Variants in PRKCI observed in about 807,000 individuals in gnomAD.
PRKCI encodes protein kinase C iota type.
In PRKCI, 43 loss-of-function variants were observed where a neutral mutation model predicts 84.0. That is an observed-to-expected ratio of 0.51 (90% CI 0.40 to 0.66). PRKCI has a LOEUF of 0.66. Ranked by LOEUF, PRKCI falls within the 30% of genes least tolerant of loss-of-function variation. The probability of loss-of-function intolerance (pLI) is 0.00; values close to 1 mark genes in which losing one functional copy is unlikely to be tolerated. For synonymous variants in PRKCI, 216 were observed against 234.4 expected, an observed-to-expected ratio of 0.92 and a Z score of 0.72; for missense variants, 459 against 745.6, an observed-to-expected ratio of 0.62 and a Z score of 4.48.
At chr3:170,233,231 A>ATTATTTTTTTTT (rs1732850586) in intron 1 of PRKCI, among the ~76,000 whole-genome samples, 1 of 143,528 alleles carries the variant, frequency 7.0e-6, no homozygotes, top group African/African-American at 2.7e-5. Flanking sequence ...TTGGGGGTTT[A>ATTATTTTTTTTT]TTTTTAAAAG....
chr3:170,243,871 G>A (rs1402423511), intron 2 of PRKCI, among the ~76,000 whole-genome samples: 2 of 152,164 alleles, frequency 1.3e-5, no homozygotes, highest in East Asian at 1.9e-4. Context: ...AGGAAATTCT[G>A]GCTGCCATCT....
In PRKCI at chr3:170,266,852, G is replaced by T. The variant is rs369295771; in HGVS notation, c.365-1063G>T. Among the ~76,000 whole-genome samples the T allele has an allele frequency of 3.3e-5, 5 of 152,154 alleles. No homozygotes were observed. The East Asian group carries it at 9.6e-4, about 29-fold the overall frequency. ...TACTAAAAATACAAAAATTAGCCGG[G>T]TGTGGTGGTGTGTACCTGCAATCCC... On this transcript the variant is annotated intron_variant, in intron 4 of 17. Coordinates refer to ENST00000295797, the MANE Select transcript of PRKCI (RefSeq NM_002740.6).
In PRKCI at chr3:170,230,048, G is replaced by A. The variant is rs562750644; in HGVS notation, c.102-5182G>A. ...ATCTGTTGCTAGTCTGGAGTTTTTC[G>A]TTTTTATGTCATCAAACCTGTCCTT... On this transcript the variant is annotated intron_variant, in intron 1 of 17. Coordinates refer to ENST00000295797, the MANE Select transcript of PRKCI (RefSeq NM_002740.6). Among the ~76,000 whole-genome samples the A allele has an allele frequency of 5.9e-5, 9 of 151,604 alleles. No homozygotes were observed. In the South Asian group the frequency reaches 6.2e-4, roughly 11 times the overall value.
At chr3:170,302,642 A>G (rs1374283278) in intron 17 of PRKCI, among the ~76,000 whole-genome samples, 9 of 152,102 alleles carry the variant, frequency 5.9e-5, no homozygotes, top group Non-Finnish European at 1.2e-4. Flanking sequence ...CCTTTTGGCT[A>G]ACTTCTTCTG....
chr3:170,303,407 T>TAAA lies in PRKCI; in HGVS notation c.*292_*294dup, dbSNP rs199720571. 1.1e-4 allele frequency: 27 copies of TAAA among 237,230 alleles called. No individual in the cohort carries two copies. Among genetic ancestry groups the TAAA allele is most frequent in the Non-Finnish European group, 1.7e-4 (21 of 124,758 alleles). 14.7% of individuals were successfully genotyped at this position (237,230 alleles called of 1,614,324 possible). On this transcript the variant is annotated 3_prime_UTR_variant, in exon 18 of 18. Coordinates refer to ENST00000295797, the MANE Select transcript of PRKCI (RefSeq NM_002740.6). The stretch of plus-strand genomic sequence containing the variant: ...GAGTAATGAAGTTATCTTTTTTGTT[T>TAAA]AAAAAAAAAAAAAACACTGCATTAA...
At chr3:170,267,877 G>T (rs1410847903) in intron 4 of PRKCI, 38 bp from the exon 5 acceptor site, 21 of 1,422,948 alleles carry the variant, frequency 1.5e-5, no homozygotes, top group Non-Finnish European at 1.6e-5. Flanking sequence ...ACTCAAACTT[G>T]CTCTTTTTTC....
intron 2 of PRKCI, among the ~76,000 whole-genome samples, chr3:170,239,223 T>A (rs761522426): frequency 5.9e-5 from 9 of 152,224 alleles, no homozygotes; most frequent in African/African-American, 2.4e-5. Context: ...ATTTCAAATT[T>A]TGCATTAAGA....
chr3:170,261,599 T>C (rs1733729822), intron 3 of PRKCI, among the ~76,000 whole-genome samples: 1 of 152,066 alleles, frequency 6.6e-6, no homozygotes, highest in South Asian at 2.1e-4. Context: ...TTCTCATGCC[T>C]CAGCCTCCAA....
rs975971253 is a variant in PRKCI, at chr3:170,291,907, C to T, written c.1257C>T (p.Tyr419=). 6 of 1,605,734 alleles carry T rather than the reference C, an allele frequency of 3.7e-6. No homozygotes were observed. The highest frequency in any genetic ancestry group is 5.1e-6 in the Non-Finnish European group (6 of 1,172,584). Residue 419 remains tyrosine (Y), a synonymous_variant, in exon 13 of 18, where the codon TAC becomes TAT. Coordinates refer to ENST00000295797, the MANE Select transcript of PRKCI (RefSeq NM_002740.6). ...GCACTTTCTGTGGTACTCCTAATTA[C>T]ATTGCTCCTGAAATTTTAAGAGGAG... The part of the protein sequence containing the change: ...TTSTFCGTPN[Y]IAPEILRGED...
intron 2 of PRKCI, among the ~76,000 whole-genome samples, chr3:170,245,111 G>A (rs539260376): frequency 2.0e-4 from 30 of 152,198 alleles, no homozygotes; most frequent in Middle Eastern, 3.4e-3. Flanking sequence ...TTCAGAGAAC[G>A]TCATTCTGAC....
At chr3:170,231,173 C>G (rs1165191914) in intron 1 of PRKCI, among the ~76,000 whole-genome samples, 1 of 151,812 alleles carries the variant, frequency 6.6e-6, no homozygotes, top group Non-Finnish European at 1.5e-5. Context: ...GTTGGCCAGG[C>G]TGGTCTGGAA....
chr3:170,260,087 C>T (rs1041712549), intron 3 of PRKCI, 29 bp downstream of exon 3: 1 of 1,383,088 alleles, frequency 7.2e-7, no homozygotes, highest in African/African-American at 1.4e-5. Context: ...CATACTCGTC[C>T]AGACTGATAA....
intron 11 of PRKCI, among the ~76,000 whole-genome samples, chr3:170,282,628 C>T (rs567489529): frequency 7.4e-5 from 11 of 149,130 alleles, no homozygotes; most frequent in Admixed American, 2.0e-4. Context: ...ACCCGGAAGG[C>T]GGAGGTTGCA....
chr3:170,296,075 AT>A, intron 15 of PRKCI, 85 bp downstream of exon 15: 1 of 740,120 alleles, frequency 1.4e-6, no homozygotes, highest in Non-Finnish European at 2.0e-6. Flanking sequence ...GAAATGTAAA[AT>A]TCCAAAACAG....
intron 1 of PRKCI, among the ~76,000 whole-genome samples, chr3:170,230,550 A>G (rs1173684145): frequency 6.6e-6 from 1 of 152,178 alleles, no homozygotes; most frequent in African/African-American, 2.4e-5. Flanking sequence ...GGCTGGTCCC[A>G]AACTCGTGAC....
chr3:170,224,252 G>A (rs1732573642), intron 1 of PRKCI, among the ~76,000 whole-genome samples: 1 of 152,046 alleles, frequency 6.6e-6, no homozygotes. Context: ...TTGACTGTAT[G>A]CAGGAGTAGT....
intron 2 of PRKCI, among the ~76,000 whole-genome samples, chr3:170,257,365 A>G (rs892137291): frequency 3.3e-5 from 5 of 152,182 alleles, no homozygotes; most frequent in Non-Finnish European, 7.3e-5. Context: ...GACCTTTGCA[A>G]CCGCAGTTTT....
chr3:170,275,624 C>T (rs1734096458), intron 8 of PRKCI, among the ~76,000 whole-genome samples: 1 of 151,902 alleles, frequency 6.6e-6, no homozygotes, highest in Non-Finnish European at 1.5e-5. Flanking sequence ...CTTATTTAGA[C>T]AATAAATGAT....
chr3:170,282,773 C>CT lies in PRKCI; in HGVS notation c.1067+813dup, dbSNP rs373286945. Among the ~76,000 whole-genome samples, 858 of 150,842 alleles carry CT rather than the reference C, an allele frequency of 5.7e-3. 9 individuals carry two copies. Among genetic ancestry groups the CT allele is most frequent in the African/African-American group, 0.02 (816 of 41,142 alleles). On this transcript the variant is annotated intron_variant, in intron 11 of 17. Coordinates refer to ENST00000295797, the MANE Select transcript of PRKCI (RefSeq NM_002740.6). The stretch of plus-strand genomic sequence containing the variant: ...CTTCCTGTGATTTATTGTTCTTTGG[C>CT]TTTTTTTTCCTCTAATCCCATAATT...
Sources: gnomAD v4.1 joint callset for allele counts (sites outside exome capture counted in the v4.1 genomes callset) on GRCh38, gnomAD v4.1.1 for gene constraint, MANE v1.5 for transcripts, NCBI Gene and HGNC (gene_info 2026-07-23, HGNC 2026-07-21) for gene names.